TADA2A: variants seen among roughly 807,000 people sequenced by gnomAD.
TADA2A encodes transcriptional adaptor 2A, also known as transcriptional adapter 2-alpha.
In TADA2A, 38 loss-of-function variants were observed where a neutral mutation model predicts 67.4. The observed-to-expected ratio is 0.56, with a 90% confidence interval of 0.44 to 0.74. The LOEUF (loss-of-function observed/expected upper bound fraction) is 0.74. Among genes scored for constraint, TADA2A ranks in the 30% least tolerant of loss-of-function variants. TADA2A has a pLI of 0.00. For synonymous variants in TADA2A, 192 were observed against 181.6 expected (o/e 1.06, Z -0.46); for missense variants, 454 against 547.0 (o/e 0.83, Z 1.70).
rs1275697363 is a variant in TADA2A at position 37,432,170 on chromosome 17, A to AT, written c.192+5164dup. 6.4e-3 allele frequency among the ~76,000 whole-genome samples: 888 copies of AT among 138,932 alleles called. 8 individuals carry two copies. The highest frequency in any genetic ancestry group is 0.022 in the African/African-American group (843 of 37,770). The allele number at this position is 138,932 out of a possible 152,430, so 91.1% of individuals were successfully genotyped here. A position where few individuals can be genotyped will look rare whatever the true frequency, so the allele number is the denominator to read the frequency against. On this transcript the variant is annotated intron_variant, in intron 4 of 15. Coordinates refer to ENST00000615182, the MANE Select transcript of TADA2A (RefSeq NM_001166105.3). ...TTTCACTCAGCTTTTTTATTTATTT[A>AT]TTTATTTTTTTTTTGTGACAGTCTT...
At chr17:37,432,174 ATTTT>A (rs35609332) in intron 4 of TADA2A, among the ~76,000 whole-genome samples, 1 of 146,216 alleles carries the variant, frequency 6.8e-6, no homozygotes, top group African/African-American at 2.6e-5. Context: ...TTATTTATTT[ATTTT>A]TTTTTTGTGA....
chr17:37,426,747 A>T, intron 3 of TADA2A: 1 of 372,808 alleles, frequency 2.7e-6, no homozygotes, highest in African/African-American at 2.2e-5. Context: ...TGGGAGACTG[A>T]GGTACAAGGA....
At chr17:37,429,412 G>A (rs1267960731) in intron 4 of TADA2A, among the ~76,000 whole-genome samples, 1 of 151,996 alleles carries the variant, frequency 6.6e-6, no homozygotes. Context: ...AGGAATCTTA[G>A]GATGAGGGGA....
Position 37,427,608 on chromosome 17 carries a change from C to T in TADA2A, c.192+599C>T, listed in dbSNP as rs555580392. On this transcript the variant is annotated intron_variant, in intron 4 of 15. Transcript: ENST00000615182. ...GAGTGTTCGTAGTGTCCTTCCAAGC[C>T]CTGGCCATGGGAGTGGGTGGTTTAA... Among the ~76,000 whole-genome samples the T allele has an allele frequency of 1.0e-3, 152 of 152,230 alleles. 2 individuals are homozygous for T. The South Asian group carries it at 0.019, about 19-fold the overall frequency.
chr17:37,418,878 C>T (rs570107115), intron 2 of TADA2A, among the ~76,000 whole-genome samples: 2 of 148,322 alleles, frequency 1.3e-5, no homozygotes, highest in South Asian at 2.2e-4. Flanking sequence ...TATGAGCCAC[C>T]GTGCCTGGCT....
intron 15 of TADA2A, 86 bp from the exon 16 acceptor site, chr17:37,476,711 C>A: frequency 6.8e-7 from 1 of 1,471,572 alleles, no homozygotes; most frequent in Non-Finnish European, 9.2e-7. Context: ...GTTGATGTCA[C>A]TTTAAAAAAT....
chr17:37,472,498 T>G lies in TADA2A; in HGVS notation c.1072+1361T>G, dbSNP rs910000110. Among the ~76,000 whole-genome samples the G allele has an allele frequency of 3.3e-5, 5 of 152,098 alleles. No homozygotes were observed. The East Asian group carries it at 9.6e-4, about 29-fold the overall frequency. On this transcript the variant is annotated intron_variant, in intron 14 of 15. Transcript: ENST00000615182. ...TGAAATCAAAGTTTTATTTTGTAAG[T>G]TTCTTACTGCCAACACTCTACCCCC...
chr17:37,476,704 G>T, intron 15 of TADA2A, 93 bp from the exon 16 acceptor site: 1 of 1,331,636 alleles, frequency 7.5e-7, no homozygotes. Context: ...GTTGGAGGTT[G>T]ATGTCACTTT....
At chr17:37,435,104 G>A (rs1435373630) in intron 4 of TADA2A, among the ~76,000 whole-genome samples, 1 of 152,106 alleles carries the variant, frequency 6.6e-6, no homozygotes, top group Non-Finnish European at 1.5e-5. Context: ...AAATTAGCCA[G>A]GTGTGGTGGC....
intron 8 of TADA2A, among the ~76,000 whole-genome samples, chr17:37,452,259 T>C (rs1306154697): frequency 2.0e-5 from 3 of 151,490 alleles, no homozygotes; most frequent in Non-Finnish European, 4.4e-5. Flanking sequence ...AAAAATTAGC[T>C]GGGTATGGTG....
chr17:37,464,690 A>G (rs193124842), intron 10 of TADA2A, among the ~76,000 whole-genome samples: 8 of 151,450 alleles, frequency 5.3e-5, no homozygotes, highest in Admixed American at 5.3e-4. Flanking sequence ...AATACAAAAA[A>G]TTAGTCGAGC....
At chr17:37,422,529 C>T (rs921908997) in intron 2 of TADA2A, among the ~76,000 whole-genome samples, 3 of 99,032 alleles carry the variant, frequency 3.0e-5, no homozygotes, top group Non-Finnish European at 6.6e-5. Flanking sequence ...TTATTTGAGG[C>T]AGGGTCTAGC....
chr17:37,472,087 A>T (rs1327047634), intron 14 of TADA2A, among the ~76,000 whole-genome samples: 2 of 150,720 alleles, frequency 1.3e-5, no homozygotes, highest in African/African-American at 4.9e-5. Context: ...TTTTTTTGAG[A>T]TGGAGTCTCG....
intron 4 of TADA2A, among the ~76,000 whole-genome samples, chr17:37,428,330 C>T (rs1320387234): frequency 1.3e-5 from 2 of 152,256 alleles, no homozygotes; most frequent in Non-Finnish European, 2.9e-5. Context: ...GTAGAATCCA[C>T]TTCTAGGTTC....
intron 2 of TADA2A, among the ~76,000 whole-genome samples, chr17:37,417,361 G>A (rs968429718): frequency 1.0e-4 from 15 of 149,512 alleles, no homozygotes; most frequent in African/African-American, 3.7e-4. Flanking sequence ...GGGCAACAGA[G>A]CAAGACTCCG....
At chr17:37,415,210 C>CTA (rs1396662660) in intron 2 of TADA2A, among the ~76,000 whole-genome samples, 2 of 152,094 alleles carry the variant, frequency 1.3e-5, no homozygotes. Flanking sequence ...AGATAGCATA[C>CTA]TATATATATG....
At chr17:37,440,988 G>T (rs2052899064) in intron 6 of TADA2A, among the ~76,000 whole-genome samples, 1 of 152,128 alleles carries the variant, frequency 6.6e-6, no homozygotes. Flanking sequence ...CCAGCTACTG[G>T]GGAGGCCAAG....
At chr17:37,462,027 T>G (rs763949890) in intron 9 of TADA2A, 51 bp from the exon 10 acceptor site, 1 of 1,358,462 alleles carries the variant, frequency 7.4e-7, no homozygotes, top group Non-Finnish European at 1.0e-6. Context: ...AAAGCATTAG[T>G]AAATGTGAAA....
At chr17:37,417,370 C>A (rs979786092) in intron 2 of TADA2A, among the ~76,000 whole-genome samples, 11 of 148,646 alleles carry the variant, frequency 7.4e-5, no homozygotes. Context: ...AGCAAGACTC[C>A]GTCTCAAAAA....
Sources: gnomAD v4.1 joint callset for allele counts (sites outside exome capture counted in the v4.1 genomes callset) on GRCh38, gnomAD v4.1.1 for gene constraint, MANE v1.5 for transcripts, NCBI Gene and HGNC (gene_info 2026-07-23, HGNC 2026-07-21) for gene names.